VNN1: variants seen among roughly 807,000 people sequenced by gnomAD.
VNN1 encodes vanin 1, also known as pantetheinase.
A neutral mutation model predicts 41.9 loss-of-function variants in VNN1; 29 were observed. The ratio of observed to expected loss-of-function variants is 0.69; its 90% CI spans 0.52 to 0.94. The LOEUF is 0.94. Ranked by LOEUF, VNN1 falls within the 40% of genes least tolerant of loss-of-function variation. VNN1 has a pLI of 0.00. For missense variants in VNN1, 637 were observed against 621.1 expected, an observed-to-expected ratio of 1.03 and a Z score of -0.27; for synonymous variants, 233 against 224.4, an observed-to-expected ratio of 1.04 and a Z score of -0.34.
chr6:132,711,062 T>C (rs1439047447), intron 2 of VNN1, among the ~76,000 whole-genome samples: 1 of 152,222 alleles, frequency 6.6e-6, no homozygotes, highest in Non-Finnish European at 1.5e-5. Context: ...ATGATCACCA[T>C]TCTAACTGGC....
intron 5 of VNN1, among the ~76,000 whole-genome samples, chr6:132,689,978 C>A (rs1259503084): frequency 5.9e-5 from 9 of 152,282 alleles, no homozygotes; most frequent in Admixed American, 5.9e-4. Flanking sequence ...CAGAAATCTG[C>A]CACATTCTGG....
chr6:132,689,839 A>G (rs1234374408), intron 5 of VNN1, among the ~76,000 whole-genome samples: 1 of 152,218 alleles, frequency 6.6e-6, no homozygotes, highest in Non-Finnish European at 1.5e-5. Context: ...GGTCCAGCTG[A>G]ATGTCTCATA....
At position 132,692,465 on chromosome 6, in the gene VNN1, A is replaced by C; in HGVS notation, c.946T>G (p.Trp316Gly). 6.2e-7 allele frequency: 1 copy of C among 1,614,088 alleles called. No individual in the cohort carries two copies. Among genetic ancestry groups the C allele is most frequent in the Non-Finnish European group, 8.5e-7 (1 of 1,180,034 alleles). Residue 316 changes from tryptophan to glycine, a missense_variant, in exon 5 of 7, where the codon TGG (tryptophan) becomes GGG (glycine). Trp to Gly is a radical substitution (Grantham distance 184, BLOSUM62 -2). Transcript: ENST00000367928. ...SHPSHSAVVN[W>G]TSYASSIEAL... ...TCTATACTGCTGGCATAGGAAGTCC[A>C]GTTCACCACTGCAGAATGGGATGGG... is the stretch of plus-strand genomic sequence containing the variant.
chr6:132,713,468 A>T (rs981870129), intron 1 of VNN1, among the ~76,000 whole-genome samples: 1 of 152,240 alleles, frequency 6.6e-6, no homozygotes, highest in Non-Finnish European at 1.5e-5. Context: ...ACATGAGTAC[A>T]TGAAGGCCAC....
At chr6:132,706,670 G>A (rs1778523410) in intron 2 of VNN1, among the ~76,000 whole-genome samples, 6 of 152,002 alleles carry the variant, frequency 3.9e-5, no homozygotes, top group Admixed American at 3.9e-4. Context: ...TCACATGAAG[G>A]TAAAAAGCTT....
Position 132,693,772 on chromosome 6 carries a change from G to A in VNN1, c.534+218C>T, listed in dbSNP as rs148837751. Among the ~76,000 whole-genome samples, 4 of 152,256 alleles carry A rather than the reference G, an allele frequency of 2.6e-5. No individual in the cohort carries two copies. The East Asian group carries it at 7.7e-4, about 29-fold the overall frequency. On this transcript the variant is annotated intron_variant, in intron 3 of 6. Transcript: ENST00000367928. ...ATAATGCATGCGGCACTTTCTGACTGCTACACACTCCTGAAAACACACTCC... is the reference window on the plus strand; with the variant it reads ...ATAATGCATGCGGCACTTTCTGACTACTACACACTCCTGAAAACACACTCC...
Position 132,713,809 on chromosome 6 carries a change from G to A in VNN1, c.210+17C>T, listed in dbSNP as rs201148890. The A allele has an allele frequency of 6.2e-7, 1 of 1,611,988 alleles. No individual in the cohort carries two copies. The highest frequency in any genetic ancestry group is 1.7e-5 in the Admixed American group (1 of 60,008). ...CTCATAGAATCCAGTACACTGGAGA[G>A]ATGGTAGAGATGGTACCTGATCTGC... On this transcript the variant is annotated intron_variant, in intron 1 of 6. Transcript: ENST00000367928.
intron 2 of VNN1, among the ~76,000 whole-genome samples, chr6:132,697,326 G>A (rs967547201): frequency 1.3e-5 from 2 of 152,014 alleles, no homozygotes; most frequent in Non-Finnish European, 2.9e-5. Flanking sequence ...GAATGTACTG[G>A]AACAGTGAGA....
In VNN1 at chr6:132,683,239, C is replaced by T; in HGVS notation, c.1443G>A (p.Glu481=). ...ATGAAGCATTTGATGCCCAGTCCTT[C>T]TCATACAACCTCCCAAACAGAGTTA... is the stretch of plus-strand genomic sequence containing the variant. ...LTVTLFGRLY[E]KDWASNASSG... The change falls in exon 7 of 7, where the codon GAG becomes GAA. Residue 481 remains glutamate (E), a synonymous_variant. Transcript: ENST00000367928. The T allele has an allele frequency of 6.2e-7, 1 of 1,614,130 alleles. No individual in the cohort carries two copies. The highest frequency in any genetic ancestry group is 8.5e-7 in the Non-Finnish European group (1 of 1,180,008).
Position 132,708,279 on chromosome 6 carries a change from C to T in VNN1, c.341+3430G>A, listed in dbSNP as rs114975731. Among the ~76,000 whole-genome samples the T allele has an allele frequency of 7.5e-3, 1,139 of 152,300 alleles. 15 individuals are homozygous for T. Among genetic ancestry groups the T allele is most frequent in the African/African-American group, 0.026 (1,082 of 41,572 alleles). Reference sequence around the variant, plus strand: ...ATACTTAACATCCAGTTGTAATGAGCAGCTCTTTACCATGATGCCTCATAA... The same window carrying T: ...ATACTTAACATCCAGTTGTAATGAGTAGCTCTTTACCATGATGCCTCATAA... On this transcript the variant is annotated intron_variant, in intron 2 of 6. Transcript: ENST00000367928.
chr6:132,714,000 C>T lies in VNN1; in HGVS notation c.36G>A (p.Leu12=), dbSNP rs773178006. 6.2e-7 allele frequency: 1 copy of T among 1,613,978 alleles called. No homozygotes were observed. Residue 12 remains leucine, a synonymous_variant, in exon 1 of 7, where the codon TTG becomes TTA. Transcript: ENST00000367928. The part of the protein sequence containing the change: ...TTQLPAYVAI[L]LFYVSRASCQ... Reference sequence around the variant, plus strand: ...AGCTGGCTCTTGAGACATAGAAAAGCAAAATTGCCACGTAAGCTGGCAACT... The same window carrying T: ...AGCTGGCTCTTGAGACATAGAAAAGTAAAATTGCCACGTAAGCTGGCAACT...
intron 4 of VNN1, 96 bp from the exon 5 acceptor site, chr6:132,692,680 C>T: frequency 7.1e-7 from 1 of 1,417,596 alleles, no homozygotes; most frequent in Non-Finnish European, 9.3e-7. Context: ...TCACATTTTA[C>T]TCTCTCTAAG....
At chr6:132,697,943 T>A (rs1251996439) in intron 2 of VNN1, among the ~76,000 whole-genome samples, 2 of 152,174 alleles carry the variant, frequency 1.3e-5, no homozygotes, top group Non-Finnish European at 2.9e-5. Context: ...AATAAGTAGG[T>A]TGGTGTTTTG....
In VNN1 at chr6:132,692,577, G is replaced by A. The variant is rs896428205; in HGVS notation, c.834C>T (p.Gly278=). ...CTCTTGAAGAATTGGGTGCATAGAT[G>A]CCACTTCCTGGAAGTAATAAGTTGA... is the stretch of plus-strand genomic sequence containing the variant. The part of the protein sequence containing the change: ...HYPSKKMTGS[G]IYAPNSSRAF... The change falls in exon 5 of 7, where the codon GGC becomes GGT. Residue 278 remains glycine, a synonymous_variant. Transcript: ENST00000367928. 1.3e-6 allele frequency: 2 copies of A among 1,567,290 alleles called. No homozygotes were observed. The highest frequency in any genetic ancestry group is 1.7e-6 in the Non-Finnish European group (2 of 1,164,256).
intron 2 of VNN1, among the ~76,000 whole-genome samples, chr6:132,708,879 C>A (rs1179981599): frequency 2.0e-5 from 3 of 152,136 alleles, no homozygotes; most frequent in Admixed American, 6.6e-5. Context: ...TCTTCTGTCA[C>A]ATCACTGTAA....
intron 2 of VNN1, among the ~76,000 whole-genome samples, chr6:132,701,705 A>T (rs1170538220): frequency 6.6e-6 from 1 of 152,226 alleles, no homozygotes; most frequent in Non-Finnish European, 1.5e-5. Context: ...TCAGAAGAGT[A>T]ATCACAGTAC....
At chr6:132,712,177 T>G (rs1778611551) in intron 1 of VNN1, among the ~76,000 whole-genome samples, 1 of 150,724 alleles carries the variant, frequency 6.6e-6, no homozygotes, top group East Asian at 1.9e-4. Context: ...TCAGATGGAG[T>G]TTCGCTCTGC....
intron 2 of VNN1, among the ~76,000 whole-genome samples, chr6:132,698,592 A>G (rs1211215788): frequency 1.3e-5 from 2 of 152,234 alleles, no homozygotes; most frequent in Non-Finnish European, 2.9e-5. Context: ...TCAGCCCTTC[A>G]GCTCCAAGCT....
At chr6:132,691,916 G>A (rs1239191269) in intron 5 of VNN1, among the ~76,000 whole-genome samples, 5 of 151,818 alleles carry the variant, frequency 3.3e-5, no homozygotes, top group Non-Finnish European at 7.4e-5. Flanking sequence ...GCTGAGGCGT[G>A]AGAATTGCTT....
Sources: gnomAD v4.1 joint callset for allele counts (sites outside exome capture counted in the v4.1 genomes callset) on GRCh38, gnomAD v4.1.1 for gene constraint, MANE v1.5 for transcripts, NCBI Gene and HGNC (gene_info 2026-07-23, HGNC 2026-07-21) for gene names.